The following GRHL3 variants were observed in gnomAD, a reference collection of about 807,000 sequenced individuals.
GRHL3 encodes grainyhead like transcription factor 3.
GRHL3 carries 20 observed loss-of-function variants against 70.3 expected under a neutral mutation model. The observed-to-expected ratio is 0.28, with a 90% CI of 0.20 to 0.41. The LOEUF is 0.41. GRHL3 is among the 10% of genes least tolerant of loss of function. The pLI is 1.00. For missense variants in GRHL3, 637 were observed against 762.3 expected (o/e 0.84, Z 1.94); for synonymous variants, 299 against 299.9 (o/e 1.00, Z 0.03).
chr1:24,347,677 C>T (rs1018184185), intron 14 of GRHL3, 124 bp downstream of exon 14: 3 of 754,016 alleles, frequency 4.0e-6, no homozygotes, highest in African/African-American at 1.7e-5. Context: ...CCTACCCGTC[C>T]CACCCTGTCC....
At chr1:24,359,612 T>C (rs760438285), downstream of GRHL3, among the ~76,000 whole-genome samples, 8 of 152,196 alleles carry the variant, frequency 5.3e-5, no homozygotes, top group Non-Finnish European at 1.0e-4. This position sits in a 1 kb window ranked among gnomAD's most constrained non-coding sequence, Gnocchi z 5.3. Flanking sequence ...CACCTGACTG[T>C]GGCCTCTGGG....
chr1:24,356,528 C>A (rs1010266841), downstream of GRHL3, among the ~76,000 whole-genome samples: 3 of 152,340 alleles, frequency 2.0e-5, no homozygotes, highest in Admixed American at 6.5e-5. Context: ...CGTGAGCCAC[C>A]GTGTCCGGCC....
chr1:24,358,352 G>C (rs573864829), downstream of GRHL3: 14 of 701,078 alleles, frequency 2.0e-5, no homozygotes, highest in Non-Finnish European at 3.7e-5. Flanking sequence ...AAGTCTCCAG[G>C]GAGCAATGTC....
intron 1 of GRHL3, among the ~76,000 whole-genome samples, chr1:24,330,119 G>C (rs990047038): frequency 1.3e-5 from 2 of 152,182 alleles, no homozygotes; most frequent in Admixed American, 1.3e-4. Context: ...TATTTATAGA[G>C]TACAGTGTGA....
chr1:24,351,663 T>TG (rs1201744728), intron 15 of GRHL3, among the ~76,000 whole-genome samples: 12 of 2,796 alleles, frequency 4.3e-3, no homozygotes, highest in Admixed American at 0.032. Flanking sequence ...TGTGATTGCA[T>TG]GGGGGGGTGG....
chr1:24,337,361 T>C (rs1261761133), intron 5 of GRHL3: 4 of 593,794 alleles, frequency 6.7e-6, no homozygotes, highest in Non-Finnish European at 8.9e-6. Flanking sequence ...ATCAGAAAAC[T>C]GAGGTTCTTT....
chr1:24,351,802 C>T (rs1344329705), intron 15 of GRHL3, among the ~76,000 whole-genome samples: 1 of 152,194 alleles, frequency 6.6e-6, no homozygotes, highest in Admixed American at 6.5e-5. Flanking sequence ...GCACTTCCTA[C>T]ATGCCAGGCA....
In GRHL3 at chr1:24,319,403, G is replaced by T; in HGVS notation, c.-149G>T. On this transcript the variant is annotated 5_prime_UTR_variant, in exon 1 of 16. Coordinates refer to ENST00000361548, the MANE Select transcript of GRHL3 (RefSeq NM_198173.3). ...TAGCCAATCAGCGCCAGCGCTGCTG[G>T]GAACCTACCTGTCAGCAAAATCTCG... The T allele has an allele frequency of 1.2e-6, 1 of 838,810 alleles. No individual in the cohort carries two copies. The highest frequency in any genetic ancestry group is 2.0e-6 in the Non-Finnish European group (1 of 490,216). The allele number at this position is 838,810 out of a possible 1,614,324, so 52.0% of individuals were successfully genotyped here.
intron 15 of GRHL3, among the ~76,000 whole-genome samples, 154 bp downstream of exon 15, chr1:24,350,276 C>T (rs1640453537): frequency 2.0e-5 from 3 of 152,108 alleles, no homozygotes; most frequent in African/African-American, 7.2e-5. Flanking sequence ...CTGCAGAGAC[C>T]AGACATGGGT....
intron 1 of GRHL3, among the ~76,000 whole-genome samples, chr1:24,329,491 G>A (rs1398162468): frequency 2.6e-5 from 4 of 152,244 alleles, no homozygotes; most frequent in East Asian, 1.9e-4. Flanking sequence ...GTGTGGCTGC[G>A]TGGCAAGTGT....
intron 11 of GRHL3, 138 bp from the exon 12 acceptor site, chr1:24,344,759 G>T: frequency 2.2e-6 from 2 of 899,958 alleles, no homozygotes; most frequent in Middle Eastern, 2.1e-4. Flanking sequence ...TGTCTGAGCA[G>T]AATGGGCTAG....
At chr1:24,364,241 A>G (rs1178878021) in exon 16 of GRHL3, 1 of 1,547,872 alleles carries the variant, frequency 6.5e-7, no homozygotes, top group South Asian at 1.2e-5. Flanking sequence ...GACTGTCTTG[A>G]ATGTTCCCAT....
intron 15 of GRHL3, among the ~76,000 whole-genome samples, chr1:24,350,856 G>C (rs1387328489): frequency 6.6e-6 from 1 of 152,232 alleles, no homozygotes; most frequent in Non-Finnish European, 1.5e-5. Flanking sequence ...CTGGGCACCA[G>C]AGTACCTTTG....
At chr1:24,333,239 T>A (rs1639675041) in intron 2 of GRHL3, among the ~76,000 whole-genome samples, 1 of 152,152 alleles carries the variant, frequency 6.6e-6, no homozygotes, top group Non-Finnish European at 1.5e-5. Flanking sequence ...CCCTGGACAG[T>A]GATGACATGG....
In GRHL3 at chr1:24,331,321, T is replaced by C. The variant is rs1347867886; in HGVS notation, c.18-105T>C. On this transcript the variant is annotated intron_variant, in intron 1 of 15. Coordinates refer to ENST00000361548, the MANE Select transcript of GRHL3 (RefSeq NM_198173.3). The stretch of plus-strand genomic sequence containing the variant: ...GGTGGCAGAAGAGGCAGTTTCATGT[T>C]TTCAAAGCTAATAACTCTGAATTCC... 4 of 1,065,772 alleles carry C rather than the reference T, an allele frequency of 3.8e-6. No individual in the cohort carries two copies. The African/African-American group carries it at 4.8e-5, about 13-fold the overall frequency. The allele number at this position is 1,065,772 out of a possible 1,614,324, so 66.0% of individuals were successfully genotyped here.
chr1:24,346,602 C>T lies in GRHL3; in HGVS notation c.1504C>T (p.Leu502=). 2 of 1,613,314 alleles carry T rather than the reference C, an allele frequency of 1.2e-6. No individual in the cohort carries two copies. Among genetic ancestry groups the T allele is most frequent in the South Asian group, 1.1e-5 (1 of 91,058 alleles). Residue 502 remains leucine (L), a synonymous_variant, in exon 13 of 16, where the codon CTG becomes TTG. Coordinates refer to ENST00000361548, the MANE Select transcript of GRHL3 (RefSeq NM_198173.3). The part of the protein sequence containing the change: ...CSPFTEEFEP[L]PSKQAKEGDL... ...GCCCTTCACTGAGGAGTTTGAGCCT[C>T]TGCCCTCCAAGCAGGCCAAGGAAGG...
At chr1:24,358,525 T>C, downstream of GRHL3, 2 of 1,606,690 alleles carry the variant, frequency 1.2e-6, no homozygotes, top group African/African-American at 1.3e-5. Flanking sequence ...GAGTTCTCCT[T>C]GACCTTGTGT....
At chr1:24,344,875 T>C (rs1418174981) in intron 11 of GRHL3, 22 bp from the exon 12 acceptor site, 1 of 1,613,572 alleles carries the variant, frequency 6.2e-7, no homozygotes, top group Non-Finnish European at 8.5e-7. Flanking sequence ...TGATGGAAAA[T>C]GTCTTTTTCA....
Position 24,331,610 on chromosome 1 carries a change from A to G in GRHL3, c.202A>G (p.Met68Val), listed in dbSNP as rs764709319. Residue 68 changes from methionine (M) to valine (V), a missense_variant and splice_region_variant, in exon 2 of 16, where the codon ATG becomes GTG. Physicochemically the swap from Met to Val is conservative, Grantham distance 21. Transcript: ENST00000361548. ...CTTGAGCTTCCTCTATGATTACTAC[A>G]TGGTACGTCTACCCCCTCTGGACAT... ...AALSFLYDYY[M>V]GPKEKRILSS... 2.5e-6 allele frequency: 4 copies of G among 1,612,478 alleles called. No homozygotes were observed. In the Admixed American group the frequency reaches 5.0e-5, roughly 20 times the overall value.
Sources: allele counts gnomAD v4.1 joint callset (sites outside exome capture counted in the v4.1 genomes callset), GRCh38; gene constraint gnomAD v4.1.1; non-coding constraint Gnocchi (gnomAD v3.1); transcripts MANE v1.5; gene names NCBI Gene and HGNC (gene_info 2026-07-23, HGNC 2026-07-21).